Variants in NCAM1 observed in about 807,000 individuals in gnomAD.
NCAM1 encodes neural cell adhesion molecule 1.
Under a neutral mutation model 109.8 loss-of-function variants are expected in NCAM1, and 14 were observed. The ratio of observed to expected loss-of-function variants is 0.13; its 90% CI spans 0.08 to 0.20. The LOEUF is 0.20. Ranked by LOEUF, NCAM1 falls within the 10% of genes least tolerant of loss-of-function variation. The probability of loss-of-function intolerance (pLI) is 1.00; values close to 1 mark genes in which losing one functional copy is unlikely to be tolerated. For missense variants in NCAM1, 774 were observed against 1,109.9 expected, an observed-to-expected ratio of 0.70 and a Z score of 4.30; for synonymous variants, 418 against 442.9, an observed-to-expected ratio of 0.94 and a Z score of 0.70.
In NCAM1 at chr11:113,188,469, G is replaced by T. The variant is rs371776533; in HGVS notation, c.53-13910G>T. On this transcript the variant is annotated intron_variant, in intron 1 of 19. Coordinates refer to ENST00000316851, the MANE Select transcript of NCAM1 (RefSeq NM_181351.5). ...GTTTGTTTGGGGAAGTTTCTTATAG[G>T]AATAGAAGAGAACTGAAACTTGAAT... is the stretch of plus-strand genomic sequence containing the variant. Among the ~76,000 whole-genome samples, 11 of 152,244 alleles carry T rather than the reference G, an allele frequency of 7.2e-5. No individual in the cohort carries two copies. In the South Asian group the frequency reaches 1.9e-3, roughly 26 times the overall value.
At chr11:113,168,071 C>G (rs1942865196) in intron 1 of NCAM1, among the ~76,000 whole-genome samples, 1 of 152,130 alleles carries the variant, frequency 6.6e-6, no homozygotes, top group Non-Finnish European at 1.5e-5. Flanking sequence ...GAATTGAATT[C>G]CGAATAGCAT....
At chr11:113,152,344 A>G (rs2136279221) in intron 1 of NCAM1, among the ~76,000 whole-genome samples, 1 of 152,312 alleles carries the variant, frequency 6.6e-6, no homozygotes, top group African/African-American at 2.4e-5. Flanking sequence ...TTTGGGCATT[A>G]TGGTTTCCAT....
intron 1 of NCAM1, among the ~76,000 whole-genome samples, chr11:113,177,108 C>T (rs114630812): frequency 6.6e-6 from 1 of 152,202 alleles, no homozygotes; most frequent in African/African-American, 2.4e-5. Context: ...TTATCTCAGG[C>T]ATATCCTGGG....
At chr11:113,173,065 C>T (rs188035247) in intron 1 of NCAM1, among the ~76,000 whole-genome samples, 570 of 152,228 alleles carry the variant, frequency 3.7e-3, no homozygotes, top group Non-Finnish European at 5.5e-3. Flanking sequence ...TACTGATGTT[C>T]CCTCAGAAAA....
intron 1 of NCAM1, among the ~76,000 whole-genome samples, chr11:112,972,207 G>A (rs1284000032): frequency 1.3e-5 from 2 of 152,146 alleles, no homozygotes; most frequent in African/African-American, 4.8e-5. Context: ...GTAAGTATGT[G>A]TGTTCCCTGT....
In NCAM1 at chr11:113,152,479, C is replaced by A. The variant is rs191266941; in HGVS notation, c.53-49900C>A. Among the ~76,000 whole-genome samples the A allele has an allele frequency of 1.1e-3, 171 of 152,358 alleles. 1 individual carries two copies. The highest frequency in any genetic ancestry group is 8.9e-3 in the South Asian group (43 of 4,832). ...ATATCCATGTGATGCTTTAAAAATG[C>A]GTATTTCCAACATGTTCTCCTTCAG... On this transcript the variant is annotated intron_variant, in intron 1 of 19. Transcript: ENST00000316851.
chr11:113,225,046 G>A (rs939457540), intron 9 of NCAM1, among the ~76,000 whole-genome samples: 6 of 152,196 alleles, frequency 3.9e-5, no homozygotes, highest in Admixed American at 6.5e-5. Context: ...CCAAAGGAAC[G>A]CAGCTCCTCA....
chr11:113,251,823 C>A (rs574669418), intron 15 of NCAM1, among the ~76,000 whole-genome samples: 2 of 152,352 alleles, frequency 1.3e-5, no homozygotes, highest in South Asian at 4.1e-4. Context: ...CATCAGGACT[C>A]TCTCAGGCAT....
chr11:113,242,687 C>T, intron 14 of NCAM1: 1 of 841,110 alleles, frequency 1.2e-6, no homozygotes, highest in Non-Finnish European at 2.0e-6. Flanking sequence ...ATAATGATGC[C>T]TACATATGTA....
intron 17 of NCAM1, among the ~76,000 whole-genome samples, chr11:113,266,406 T>C (rs1486082403): frequency 6.6e-6 from 1 of 152,200 alleles, no homozygotes; most frequent in African/African-American, 2.4e-5. Context: ...CGCTTTTCCT[T>C]TGGGGCATAC....
At chr11:113,182,237 C>A (rs1194543997) in intron 1 of NCAM1, among the ~76,000 whole-genome samples, 1 of 152,174 alleles carries the variant, frequency 6.6e-6, no homozygotes, top group African/African-American at 2.4e-5. Flanking sequence ...CTCTATTTCT[C>A]CAAGCTCACT....
At chr11:113,151,692 G>A (rs939153867) in intron 1 of NCAM1, among the ~76,000 whole-genome samples, 42 of 152,344 alleles carry the variant, frequency 2.8e-4, no homozygotes, top group African/African-American at 8.9e-4. Flanking sequence ...GTCAGTTTTC[G>A]TGGAAAGCTT....
chr11:113,083,049 G>GT (rs11373764), intron 1 of NCAM1, among the ~76,000 whole-genome samples: 83,553 of 148,596 alleles, frequency 0.56, 24,099 homozygotes, highest in African/African-American at 0.64. Flanking sequence ...AGTGAATGTT[G>GT]TTTTTTTTTT....
At chr11:113,062,929 C>T (rs1937742991) in intron 1 of NCAM1, among the ~76,000 whole-genome samples, 1 of 152,124 alleles carries the variant, frequency 6.6e-6, no homozygotes, top group Non-Finnish European at 1.5e-5. Context: ...GATCATACCA[C>T]TGCACTCCAG....
At chr11:113,030,437 A>T (rs1472804641) in intron 1 of NCAM1, among the ~76,000 whole-genome samples, 1 of 152,224 alleles carries the variant, frequency 6.6e-6, no homozygotes, top group Non-Finnish European at 1.5e-5. Flanking sequence ...ATGAGACAAC[A>T]TCATCTACAG....
rs1026853007 is a variant in NCAM1 at position 113,274,235 on chromosome 11, C to T, written c.2457-1032C>T. On this transcript the variant is annotated intron_variant, in intron 19 of 19. Transcript: ENST00000316851. This position sits in a 1 kb window ranked among gnomAD's most constrained non-coding sequence, Gnocchi z 4.1. The stretch of plus-strand genomic sequence containing the variant: ...GTCCCCTCACACTGTGGCTCAGATG[C>T]TCACCCTCCCCTCCCAACCCCGGCC... 3.9e-5 allele frequency among the ~76,000 whole-genome samples: 6 copies of T among 152,154 alleles called. No homozygotes were observed. Among genetic ancestry groups the T allele is most frequent in the African/African-American group, 1.4e-4 (6 of 41,436 alleles).
Position 113,267,031 on chromosome 11 carries a change from A to C in NCAM1, c.2132-3157A>C, listed in dbSNP as rs145942305. Among the ~76,000 whole-genome samples the C allele has an allele frequency of 3.4e-3, 521 of 152,280 alleles. 3 individuals carry two copies. The highest frequency in any genetic ancestry group is 0.012 in the African/African-American group (504 of 41,542). On this transcript the variant is annotated intron_variant, in intron 17 of 19. Transcript: ENST00000316851. Reference sequence around the variant, plus strand: ...TTCAGCATCAAGGAACTCACCTCTCAGAGCAGCCCACACTATGTTGGATTC... The same window carrying C: ...TTCAGCATCAAGGAACTCACCTCTCCGAGCAGCCCACACTATGTTGGATTC...
At chr11:112,968,308 G>A (rs1950780658) in intron 1 of NCAM1, among the ~76,000 whole-genome samples, 1 of 152,174 alleles carries the variant, frequency 6.6e-6, no homozygotes, top group African/African-American at 2.4e-5. Context: ...AGAAAATAAA[G>A]CAATTGCTAT....
chr11:113,232,232 A>T lies in NCAM1; in HGVS notation c.1303A>T (p.Thr435Ser). Residue 435 changes from threonine (T) to serine (S), a missense_variant, in exon 11 of 20, where the codon ACC (threonine) becomes TCC (serine). By Grantham distance (58) the Thr-to-Ser change is moderately conservative. Coordinates refer to ENST00000316851, the MANE Select transcript of NCAM1 (RefSeq NM_181351.5). ...TTGGGAGGGGAACCAGGTGAACATC[A>T]CCTGCGAGGTATTTGCCTATCCCAG... ...YTWEGNQVNI[T>S]CEVFAYPSAT... The T allele has an allele frequency of 1.2e-6, 2 of 1,613,714 alleles. No individual in the cohort carries two copies. Among genetic ancestry groups the T allele is most frequent in the East Asian group, 2.2e-5 (1 of 44,870 alleles).
Sources: gnomAD v4.1 joint callset for allele counts (sites outside exome capture counted in the v4.1 genomes callset) on GRCh38, gnomAD v4.1.1 for gene constraint, Gnocchi (gnomAD v3.1) non-coding constraint, MANE v1.5 for transcripts, NCBI Gene and HGNC (gene_info 2026-07-23, HGNC 2026-07-21) for gene names.